PRKG2: variants seen among roughly 807,000 people sequenced by gnomAD.
The protein encoded by PRKG2 is cGMP-dependent protein kinase 2.
Under a neutral mutation model 97.2 loss-of-function variants are expected in PRKG2, and 33 were observed. The ratio of observed to expected loss-of-function variants is 0.34; its 90% CI spans 0.26 to 0.45. The LOEUF is 0.45. Among genes scored for constraint, PRKG2 ranks in the 20% least tolerant of loss-of-function variants. The pLI, the probability that PRKG2 is intolerant of heterozygous loss-of-function variation, is 1.00. For synonymous variants in PRKG2, 330 were observed against 321.8 expected (o/e 1.03, Z -0.27); for missense variants, 638 against 900.0 (o/e 0.71, Z 3.73).
chr4:81,185,541 C>T (rs145018461), intron 2 of PRKG2, among the ~76,000 whole-genome samples: 1,593 of 152,218 alleles, frequency 0.01, 28 homozygotes, highest in African/African-American at 0.036. Context: ...TTGTAAAGAC[C>T]ATCAACACTA....
chr4:81,182,053 A>T (rs1034679822), intron 2 of PRKG2, among the ~76,000 whole-genome samples: 21 of 151,914 alleles, frequency 1.4e-4, no homozygotes, highest in Non-Finnish European at 7.4e-5. Context: ...AGGAAAATTA[A>T]TATTAAATTT....
intron 2 of PRKG2, among the ~76,000 whole-genome samples, chr4:81,197,637 G>A (rs1753043725): frequency 6.6e-6 from 1 of 152,112 alleles, no homozygotes; most frequent in Non-Finnish European, 1.5e-5. Flanking sequence ...TAGGTTAACT[G>A]TGAAAATAAG....
At chr4:81,127,812 T>C (rs1745751887) in intron 14 of PRKG2, among the ~76,000 whole-genome samples, 1 of 152,218 alleles carries the variant, frequency 6.6e-6, no homozygotes, top group South Asian at 2.1e-4. Context: ...CCTATTTGAA[T>C]ATGCTTTATT....
chr4:81,139,552 G>A (rs1747047988), intron 12 of PRKG2, among the ~76,000 whole-genome samples: 1 of 151,700 alleles, frequency 6.6e-6, no homozygotes, highest in Admixed American at 6.6e-5. Context: ...CAGATCACGA[G>A]GTCAGGAGAT....
chr4:81,100,603 T>C (rs1184840894), intron 17 of PRKG2, among the ~76,000 whole-genome samples: 1 of 152,138 alleles, frequency 6.6e-6, no homozygotes, highest in African/African-American at 2.4e-5. Flanking sequence ...CCTAGAACCA[T>C]AAAAACCCTA....
chr4:81,155,126 C>G (rs1360066806), intron 6 of PRKG2, among the ~76,000 whole-genome samples: 5 of 139,734 alleles, frequency 3.6e-5, no homozygotes, highest in African/African-American at 1.5e-4. Context: ...TGCAGTGAGC[C>G]GAGATCCCGC....
intron 17 of PRKG2, among the ~76,000 whole-genome samples, chr4:81,093,212 A>G (rs891668716): frequency 2.0e-5 from 3 of 151,708 alleles, no homozygotes; most frequent in Admixed American, 2.0e-4. Flanking sequence ...GGTTGTTCCC[A>G]CTTTAAGGCC....
At chr4:81,187,187 G>A (rs758739652) in intron 2 of PRKG2, among the ~76,000 whole-genome samples, 2 of 152,094 alleles carry the variant, frequency 1.3e-5, no homozygotes, top group Non-Finnish European at 2.9e-5. Flanking sequence ...GAAAATTTCA[G>A]GCCAATATCC....
intron 1 of PRKG2, among the ~76,000 whole-genome samples, chr4:81,210,147 G>A (rs1027645486): frequency 3.3e-5 from 5 of 151,868 alleles, no homozygotes; most frequent in African/African-American, 1.2e-4. Flanking sequence ...CAACATAGGA[G>A]AAATTCTAGG....
rs1206839034 is a variant in PRKG2, at chr4:81,153,685, C to A, written c.949G>T (p.Gly317Cys). 2.5e-6 allele frequency: 4 copies of A among 1,605,604 alleles called. No individual in the cohort carries two copies. The highest frequency in any genetic ancestry group is 3.4e-6 in the Non-Finnish European group (4 of 1,172,482). ...ATGAAAAAGGTACTTCCTTCCTCGC[C>A]CTCTCTAATGATGTAATCTCCTTTG... ...YDKGDYIIREGEEGSTFFILA... is the reference protein window; with the variant it reads ...YDKGDYIIRECEEGSTFFILA... Residue 317 changes from glycine to cysteine, a missense_variant, in exon 7 of 19, where the codon GGC (glycine) becomes TGC (cysteine). Physicochemically the swap from Gly to Cys is radical, Grantham distance 159. Coordinates refer to ENST00000264399, the MANE Select transcript of PRKG2 (RefSeq NM_006259.3).
chr4:81,175,073 G>C (rs895441714), intron 2 of PRKG2, 114 bp from the exon 3 acceptor site: 8 of 1,043,504 alleles, frequency 7.7e-6, no homozygotes, highest in Non-Finnish European at 7.9e-6. Flanking sequence ...TAACTTTCTA[G>C]CAAGAACAAC....
At chr4:81,187,315 T>C (rs553780927) in intron 2 of PRKG2, among the ~76,000 whole-genome samples, 61 of 152,262 alleles carry the variant, frequency 4.0e-4, no homozygotes, top group African/African-American at 1.4e-3. Context: ...GCAAGGCTGG[T>C]TCAACATATG....
chr4:81,131,434 AT>A (rs1217140472), intron 14 of PRKG2, among the ~76,000 whole-genome samples: 6 of 152,200 alleles, frequency 3.9e-5, no homozygotes. Flanking sequence ...GCCAGCCACC[AT>A]GAAGTGGTTT....
At chr4:81,104,246 C>T in intron 17 of PRKG2, 124 bp downstream of exon 17, 1 of 488,188 alleles carries the variant, frequency 2.0e-6, no homozygotes, top group South Asian at 3.5e-5. Flanking sequence ...AAAAGCAAAG[C>T]ACTATAAAGA....
rs1323952006 is a variant in PRKG2 at position 81,089,811 on chromosome 4, A to C, written c.2194-8T>G. On this transcript the variant is annotated splice_region_variant and splice_polypyrimidine_tract_variant and intron_variant, in intron 18 of 18. Transcript: ENST00000264399. ...ATCTATGGGTCCCTTGAGCTAATATAGAAATAATTAAAACAAAAGGAAGAA... is the reference window on the plus strand; with the variant it reads ...ATCTATGGGTCCCTTGAGCTAATATCGAAATAATTAAAACAAAAGGAAGAA... 1.3e-6 allele frequency: 2 copies of C among 1,578,084 alleles called. No homozygotes were observed. Among genetic ancestry groups the C allele is most frequent in the Admixed American group, 3.3e-5 (2 of 59,768 alleles).
chr4:81,189,072 A>AT, intron 2 of PRKG2, among the ~76,000 whole-genome samples: 2 of 106,630 alleles, frequency 1.9e-5, no homozygotes, highest in South Asian at 6.3e-4. Flanking sequence ...ATAATAAAAA[A>AT]AAAAAAAAAA....
At chr4:81,129,360 T>G (rs1745928445) in intron 14 of PRKG2, among the ~76,000 whole-genome samples, 1 of 152,176 alleles carries the variant, frequency 6.6e-6, no homozygotes, top group Non-Finnish European at 1.5e-5. Flanking sequence ...TTCCTGAATA[T>G]TAAATATTCC....
At chr4:81,122,895 A>C (rs1277103534) in intron 14 of PRKG2, among the ~76,000 whole-genome samples, 2 of 151,884 alleles carry the variant, frequency 1.3e-5, no homozygotes, top group Non-Finnish European at 2.9e-5. Flanking sequence ...CCCTTTCCAG[A>C]CTCCATCCCA....
At chr4:81,142,629 T>C (rs1405623946) in intron 11 of PRKG2, among the ~76,000 whole-genome samples, 165 bp downstream of exon 11, 1 of 152,204 alleles carries the variant, frequency 6.6e-6, no homozygotes, top group Non-Finnish European at 1.5e-5. Context: ...ACAGACCTGC[T>C]ACTATACAAT....
Sources: gnomAD v4.1 joint callset for allele counts (sites outside exome capture counted in the v4.1 genomes callset) on GRCh38, gnomAD v4.1.1 for gene constraint, MANE v1.5 for transcripts, NCBI Gene and HGNC (gene_info 2026-07-23, HGNC 2026-07-21) for gene names.